The following CIC variants were observed in gnomAD, a reference collection of about 807,000 sequenced individuals.
CIC encodes protein capicua homolog.
In CIC, 18 loss-of-function variants were observed where a neutral mutation model predicts 115.7. The observed-to-expected ratio is 0.16, with a 90% CI of 0.11 to 0.23. The LOEUF (loss-of-function observed/expected upper bound fraction) is 0.23, where lower values mean the gene tolerates loss of function less well. Among genes scored for constraint, CIC ranks in the 10% least tolerant of loss-of-function variants. The probability of loss-of-function intolerance (pLI) is 1.00; values close to 1 mark genes in which losing one functional copy is unlikely to be tolerated. For missense variants in CIC, 2,000 were observed against 2,159.3 expected (o/e 0.93, Z 1.46); for synonymous variants, 1,076 against 923.0 (o/e 1.17, Z -3.01).
At chr19:42,291,974 C>G (rs2038154784) in intron 12 of CIC, 112 bp from the exon 13 acceptor site, 2 of 1,518,808 alleles carry the variant, frequency 1.3e-6, no homozygotes, top group Non-Finnish European at 9.1e-7. Context: ...TGTTCTCACC[C>G]CAAGTTCTGT....
At chr19:42,286,064 C>T (rs1485512120) in intron 2 of CIC, among the ~76,000 whole-genome samples, 1 of 152,144 alleles carries the variant, frequency 6.6e-6, no homozygotes, top group Admixed American at 6.5e-5. Context: ...AGCCGAGGGG[C>T]TGATGGGGAA....
Position 42,294,895 on chromosome 19 carries a change from A to C in CIC, c.7258A>C (p.Ile2420Leu). 1 of 1,600,596 alleles carries C rather than the reference A, an allele frequency of 6.2e-7. No individual in the cohort carries two copies. The highest frequency in any genetic ancestry group is 8.5e-7 in the Non-Finnish European group (1 of 1,179,940). ...CTCCAAGGTTTGTCTGCAGTTGAAG[A>C]TCCGTGAGGTGCGCCAGAAGATCAT... The part of the protein sequence containing the change: ...FPSKVCLQLK[I>L]REVRQKIMQA... Residue 2420 changes from isoleucine to leucine, a missense_variant, in exon 21 of 21, where the codon ATC (isoleucine) becomes CTC (leucine). Coordinates refer to ENST00000681038, the MANE Select transcript of CIC (RefSeq NM_001386298.1).
Position 42,293,016 on chromosome 19 carries a change from C to T in CIC, c.6257C>T (p.Pro2086Leu), listed in dbSNP as rs775018722. The T allele has an allele frequency of 1.2e-6, 2 of 1,613,448 alleles. No homozygotes were observed. The highest frequency in any genetic ancestry group is 1.3e-5 in the African/African-American group (1 of 75,072). ...PKAQRPSPKA[P>L]QKVKAAIASI... ...GCCCAGCGGCCCAGCCCGAAGGCCC[C>T]CCAGAAAGTGAAGGCAGCCATCGCC... Residue 2086 changes from proline (P) to leucine (L), a missense_variant, in exon 16 of 21, where the codon CCC (proline) becomes CTC (leucine). Coordinates refer to ENST00000681038, the MANE Select transcript of CIC (RefSeq NM_001386298.1).
chr19:42,281,027 A>G (rs937865069), intron 2 of CIC, among the ~76,000 whole-genome samples: 2 of 144,280 alleles, frequency 1.4e-5, no homozygotes, highest in Non-Finnish European at 3.0e-5. Context: ...CCCCACTCAC[A>G]CTGACTCACC....
At chr19:42,285,419 A>G (rs2037563158) in intron 2 of CIC, among the ~76,000 whole-genome samples, 1 of 152,114 alleles carries the variant, frequency 6.6e-6, no homozygotes, top group Non-Finnish European at 1.5e-5. Flanking sequence ...GCGGGTTTTC[A>G]GGGGTAAGGG....
In CIC at chr19:42,270,971, A is replaced by G. The variant is rs1412996873; in HGVS notation, c.-10-803A>G. On this transcript the variant is annotated intron_variant, in intron 1 of 20. Transcript: ENST00000681038. The surrounding 1 kb of genome is among the most constrained non-coding windows in gnomAD (Gnocchi z 4.1). ...ATCTGGGGAGATGGCTGTACCTGGC[A>G]GCCCTAGGGTGCAGAGCAGAGTGGG... is the stretch of plus-strand genomic sequence containing the variant. Among the ~76,000 whole-genome samples, 3 of 151,334 alleles carry G rather than the reference A, an allele frequency of 2.0e-5. No homozygotes were observed. The highest frequency in any genetic ancestry group is 4.4e-5 in the Non-Finnish European group (3 of 67,836).
In CIC at chr19:42,273,988, C is replaced by T. The variant is rs959084837; in HGVS notation, c.2205C>T (p.Ala735=). 5 of 398,694 alleles carry T rather than the reference C, an allele frequency of 1.3e-5. No homozygotes were observed. Among genetic ancestry groups the T allele is most frequent in the Middle Eastern group, 6.2e-4 (1 of 1,616 alleles). 24.7% of individuals were successfully genotyped at this position (398,694 alleles called of 1,614,324 possible). The change falls in exon 2 of 21, where the codon GCC becomes GCT. Residue 735 remains alanine, a synonymous_variant. Transcript: ENST00000681038. ...LGAPGAGGGG[A]APDFPKSDSL... is the part of the protein sequence containing the mutation. The stretch of plus-strand genomic sequence containing the variant: ...CCCCTGGCGCAGGGGGTGGAGGAGC[C>T]GCCCCAGACTTTCCCAAGAGTGACA...
Position 42,289,379 on chromosome 19 carries a change from G to C in CIC, c.4060G>C (p.Glu1354Gln), listed in dbSNP as rs1353349876. The C allele has an allele frequency of 6.2e-7, 1 of 1,602,460 alleles. No individual in the cohort carries two copies. The highest frequency in any genetic ancestry group is 8.5e-7 in the Non-Finnish European group (1 of 1,174,382). The change falls in exon 9 of 21, where the codon GAG becomes CAG. Residue 1354 changes from glutamate to glutamine, a missense_variant. By Grantham distance (29) the Glu-to-Gln change is conservative. Transcript: ENST00000681038. ...TSDEERMVIC[E>Q]EEGDDDVIAD... Reference sequence around the variant, plus strand: ...TGATGAGGAGCGCATGGTCATCTGTGAGGAGGAAGGGGATGATGATGTCAT... The same window carrying C: ...TGATGAGGAGCGCATGGTCATCTGTCAGGAGGAAGGGGATGATGATGTCAT...
rs771377523 is a variant in CIC at position 42,292,553 on chromosome 19, CTCTG to C, written c.5903-9_5903-6del. ...CTAACTTGGTCTCCTGCTTCTTCTTCTCTGTCTTTCAGCAGGCCAAGCCCCACTG... is the reference window on the plus strand; with the variant it reads ...CTAACTTGGTCTCCTGCTTCTTCTTCTCTTTCAGCAGGCCAAGCCCCACTG... On this transcript the variant is annotated splice_polypyrimidine_tract_variant and intron_variant, in intron 14 of 20. Coordinates refer to ENST00000681038, the MANE Select transcript of CIC (RefSeq NM_001386298.1). 2.1e-5 allele frequency: 34 copies of C among 1,612,666 alleles called. No homozygotes were observed. The East Asian group carries it at 4.0e-4, about 19-fold the overall frequency.
Position 42,287,043 on chromosome 19 carries a change from A to G in CIC, c.2982A>G (p.Pro994=), listed in dbSNP as rs762311692. The G allele has an allele frequency of 1.2e-6, 2 of 1,611,818 alleles. No individual in the cohort carries two copies. Among genetic ancestry groups the G allele is most frequent in the Non-Finnish European group, 1.7e-6 (2 of 1,179,956 alleles). ...AESAAVAHER[P]PGGTGSADPE... ...CGGCAGCTGTTGCTCATGAACGGCC[A>G]CCAGGTGGGACAGGGAGTGCTGACC... Residue 994 remains proline, a synonymous_variant, in exon 4 of 21, where the codon CCA becomes CCG. Coordinates refer to ENST00000681038, the MANE Select transcript of CIC (RefSeq NM_001386298.1). This position sits in a 1 kb window ranked among gnomAD's most constrained non-coding sequence, Gnocchi z 8.7.
intron 2 of CIC, chr19:42,284,850 T>A: frequency 1.6e-6 from 2 of 1,238,852 alleles, no homozygotes; most frequent in Non-Finnish European, 2.3e-6. Context: ...GGTGGGGGTA[T>A]AGTAGGGGAG....
intron 2 of CIC, among the ~76,000 whole-genome samples, chr19:42,285,210 C>A (rs1599883164): frequency 6.6e-6 from 1 of 152,010 alleles, no homozygotes; most frequent in East Asian, 1.9e-4. Flanking sequence ...TTGCAGAGAG[C>A]GCGACACCTA....
rs1233565194 is a variant in CIC at position 42,272,805 on chromosome 19, C to A, written c.1022C>A (p.Pro341His). Residue 341 changes from proline to histidine, a missense_variant, in exon 2 of 21, where the codon CCC becomes CAC. Physicochemically the swap from Pro to His is moderately conservative, Grantham distance 77. Transcript: ENST00000681038. ...VARSSLRLLR[P>H]PWEPETMLRK... ...CGCTCCAGCCTACGCCTGCTGCGCC[C>A]CCCCTGGGAACCTGAGACCATGCTG... 5.0e-6 allele frequency: 2 copies of A among 398,820 alleles called. No individual in the cohort carries two copies. The highest frequency in any genetic ancestry group is 2.1e-5 in the African/African-American group (1 of 48,632). 24.7% of individuals were successfully genotyped at this position (398,820 alleles called of 1,614,324 possible). A position where few individuals can be genotyped will look rare whatever the true frequency, so the allele number is the denominator to read the frequency against.
chr19:42,295,143 G>GGGGGGCCCCCCCCCC lies in CIC; in HGVS notation c.7506_7507insGGGGGCCCCCCCCCC (p.Gln2502_Pro2503insGlyGlyProProPro). 27 of 1,382,628 alleles carry GGGGGGCCCCCCCCCC rather than the reference G, an allele frequency of 2.0e-5. No individual in the cohort carries two copies. Among genetic ancestry groups the GGGGGGCCCCCCCCCC allele is most frequent in the African/African-American group, 4.4e-5 (3 of 68,110 alleles). 85.6% of individuals were successfully genotyped at this position (1,382,628 alleles called of 1,614,324 possible). A position where few individuals can be genotyped will look rare whatever the true frequency, so the allele number is the denominator to read the frequency against. ...AGCCTGGCTGGGAGGGGGCTCCCCA[G>GGGGGGCCCCCCCCCC]CCCTCCCCCCCACCCCCAGGTCCCT... is the stretch of plus-strand genomic sequence containing the variant. On this transcript the variant is annotated inframe_insertion, in exon 21 of 21. Coordinates refer to ENST00000681038, the MANE Select transcript of CIC (RefSeq NM_001386298.1).
rs1212762678 is a variant in CIC, at chr19:42,291,124, C to T, written c.5083C>T (p.Pro1695Ser). Residue 1695 changes from proline (P) to serine (S), a missense_variant, in exon 11 of 21, where the codon CCT (proline) becomes TCT (serine). Coordinates refer to ENST00000681038, the MANE Select transcript of CIC (RefSeq NM_001386298.1). ...PAVQFIAQGAPGGGTTAGSGA... is the reference protein window; with the variant it reads ...PAVQFIAQGASGGGTTAGSGA... Reference sequence around the variant, plus strand: ...TGTCCAGTTCATTGCCCAGGGGGCCCCTGGTGGTGGGACCACTGCGGGCTC... The same window carrying T: ...TGTCCAGTTCATTGCCCAGGGGGCCTCTGGTGGTGGGACCACTGCGGGCTC... 3 of 1,609,086 alleles carry T rather than the reference C, an allele frequency of 1.9e-6. No homozygotes were observed. The highest frequency in any genetic ancestry group is 2.2e-5 in the South Asian group (2 of 91,002).
chr19:42,273,841 C>A lies in CIC; in HGVS notation c.2058C>A (p.Ala686=). Residue 686 remains alanine (A), a synonymous_variant, in exon 2 of 21, where the codon GCC becomes GCA. Coordinates refer to ENST00000681038, the MANE Select transcript of CIC (RefSeq NM_001386298.1). ...PDLGPHPPPP[A]PRERHSSGIL... is the part of the protein sequence containing the mutation. ...TGGGCCCCCACCCACCGCCACCTGC[C>A]CCCCGAGAGCGCCACTCCTCTGGAA... is the stretch of plus-strand genomic sequence containing the variant. The A allele has an allele frequency of 5.0e-6, 2 of 398,892 alleles. No homozygotes were observed. The highest frequency in any genetic ancestry group is 4.4e-5 in the Admixed American group (1 of 22,740). 24.7% of individuals were successfully genotyped at this position (398,892 alleles called of 1,614,324 possible). A position where few individuals can be genotyped will look rare whatever the true frequency, so the allele number is the denominator to read the frequency against.
rs533624530 is a variant in CIC at position 42,270,749 on chromosome 19, G to T, written c.-10-1025G>T. 2.6e-5 allele frequency among the ~76,000 whole-genome samples: 4 copies of T among 152,054 alleles called. No homozygotes were observed. Among genetic ancestry groups the T allele is most frequent in the East Asian group, 1.9e-4 (1 of 5,144 alleles). On this transcript the variant is annotated intron_variant, in intron 1 of 20. Coordinates refer to ENST00000681038, the MANE Select transcript of CIC (RefSeq NM_001386298.1). The surrounding 1 kb of genome is among the most constrained non-coding windows in gnomAD (Gnocchi z 4.1). ...TTGCGGGTATCACGCTGGGTGCTGT[G>T]GGGGGAGGAGCAGGCTCCCATCCAG...
Position 42,287,713 on chromosome 19 carries a change from G to A in CIC, c.3478G>A (p.Asp1160Asn), listed in dbSNP as rs2147201423. Residue 1160 changes from aspartate to asparagine, a missense_variant, in exon 6 of 21, where the codon GAC becomes AAC. Asp to Asn is a conservative substitution (Grantham distance 23). This residue lies in a region of CIC where 22 missense variants were observed against 93.8 expected (regional missense o/e 0.23). Coordinates refer to ENST00000681038, the MANE Select transcript of CIC (RefSeq NM_001386298.1). This position sits in a 1 kb window ranked among gnomAD's most constrained non-coding sequence, Gnocchi z 8.7. ...GCCCAAGGAGAAGCAGAAGTACCAC[G>A]ACCTGGCCTTCCAGGTAACGCTGTT... is the stretch of plus-strand genomic sequence containing the variant. ...LGPKEKQKYHDLAFQVKEAHF... is the reference protein window; with the variant it reads ...LGPKEKQKYHNLAFQVKEAHF... 1 of 1,614,162 alleles carries A rather than the reference G, an allele frequency of 6.2e-7. No individual in the cohort carries two copies. Among genetic ancestry groups the A allele is most frequent in the African/African-American group, 1.3e-5 (1 of 75,064 alleles).
chr19:42,292,457 C>T lies in CIC; in HGVS notation c.5893C>T (p.Leu1965=). Residue 1965 remains leucine (L), a synonymous_variant, in exon 14 of 21, where the codon CTG becomes TTG. Coordinates refer to ENST00000681038, the MANE Select transcript of CIC (RefSeq NM_001386298.1). ...GPSGPAFVQP[L]LSAGQAPLLA... Reference sequence around the variant, plus strand: ...CAGCGGCCCCGCCTTCGTGCAGCCCCTGCTCTCAGGTGAGGGGCGGCCTGG... The same window carrying T: ...CAGCGGCCCCGCCTTCGTGCAGCCCTTGCTCTCAGGTGAGGGGCGGCCTGG... 2 of 1,611,288 alleles carry T rather than the reference C, an allele frequency of 1.2e-6. No individual in the cohort carries two copies. Among genetic ancestry groups the T allele is most frequent in the Non-Finnish European group, 1.7e-6 (2 of 1,178,938 alleles).
Sources: allele counts gnomAD v4.1 joint callset (sites outside exome capture counted in the v4.1 genomes callset), GRCh38; gene constraint gnomAD v4.1.1; regional missense constraint gnomAD v4.1.1; non-coding constraint Gnocchi (gnomAD v3.1); transcripts MANE v1.5; gene names NCBI Gene and HGNC (gene_info 2026-07-23, HGNC 2026-07-21).